The following LAMC1 variants were observed in gnomAD, a reference collection of about 807,000 sequenced individuals.
The protein encoded by LAMC1 is laminin subunit gamma-1.
A neutral mutation model predicts 173.6 loss-of-function variants in LAMC1; 38 were observed. The ratio of observed to expected loss-of-function variants is 0.22; its 90% confidence interval spans 0.17 to 0.29. LAMC1 has a LOEUF of 0.29. LAMC1 is among the 10% of genes least tolerant of loss of function. The pLI, the probability that LAMC1 is intolerant of heterozygous loss-of-function variation, is 1.00. For synonymous variants in LAMC1, 746 were observed against 749.1 expected (o/e 1.00, Z 0.07); for missense variants, 1,824 against 2,051.8 (o/e 0.89, Z 2.14).
At chr1:183,047,983 C>T (rs575476324) in intron 1 of LAMC1, among the ~76,000 whole-genome samples, 4 of 152,242 alleles carry the variant, frequency 2.6e-5, no homozygotes, top group Non-Finnish European at 5.9e-5. Flanking sequence ...AAGGCCCCAT[C>T]TCTGCCAACG....
intron 1 of LAMC1, among the ~76,000 whole-genome samples, chr1:183,048,394 G>A (rs929029255): frequency 1.3e-5 from 2 of 152,144 alleles, no homozygotes; most frequent in Admixed American, 6.5e-5. Context: ...CTGGTGCTAC[G>A]TTTCCCAACA....
At chr1:183,039,988 A>C (rs1654083135) in intron 1 of LAMC1, among the ~76,000 whole-genome samples, 1 of 152,086 alleles carries the variant, frequency 6.6e-6, no homozygotes, top group South Asian at 2.1e-4. Flanking sequence ...GTGAGAGGAG[A>C]GGCTGCTTTG....
chr1:183,092,117 C>A (rs1384848640), intron 1 of LAMC1, among the ~76,000 whole-genome samples: 2 of 152,146 alleles, frequency 1.3e-5, no homozygotes, highest in East Asian at 1.9e-4. Flanking sequence ...ACTTTAACAT[C>A]TGTGTGTGTC....
intron 1 of LAMC1, among the ~76,000 whole-genome samples, chr1:183,082,590 A>G (rs1045836659): frequency 1.3e-5 from 2 of 152,162 alleles, no homozygotes; most frequent in Non-Finnish European, 2.9e-5. Context: ...CCATCTCCAA[A>G]TTACCACAGC....
chr1:183,110,592 T>C lies in LAMC1; in HGVS notation c.959T>C (p.Leu320Pro), dbSNP rs1418120791. The C allele has an allele frequency of 6.2e-7, 1 of 1,613,976 alleles. No individual in the cohort carries two copies. Among genetic ancestry groups the C allele is most frequent in the Non-Finnish European group, 8.5e-7 (1 of 1,179,948 alleles). ...TATGGAGTAGACTGTGAAAAGTGTCTTCCTTTCTTCAATGACCGGCCGTGG... is the reference window on the plus strand; with the variant it reads ...TATGGAGTAGACTGTGAAAAGTGTCCTCCTTTCTTCAATGACCGGCCGTGG... ...NTYGVDCEKC[L>P]PFFNDRPWRR... The change falls in exon 4 of 28, where the codon CTT becomes CCT. Residue 320 changes from leucine (L) to proline (P), a missense_variant. Transcript: ENST00000258341.
In LAMC1 at chr1:183,145,187, TA is replaced by T. The variant is rs930053833; in HGVS notation, c.*2398del. ...GGTTTCCTTTTAACTTTCTTTTTGT[TA>T]TTTGCTTTTCTCCTCCACCTGTGTG... is the stretch of plus-strand genomic sequence containing the variant. On this transcript the variant is annotated 3_prime_UTR_variant, in exon 28 of 28. Transcript: ENST00000258341. The T allele has an allele frequency of 8.5e-5, 13 of 152,468 alleles. No individual in the cohort carries two copies. Among genetic ancestry groups the T allele is most frequent in the African/African-American group, 2.9e-4 (12 of 41,452 alleles). 9.4% of individuals were successfully genotyped at this position (152,468 alleles called of 1,614,324 possible).
At position 183,136,599 on chromosome 1, in the gene LAMC1, C is replaced by T; in HGVS notation, c.4314+14C>T. The T allele has an allele frequency of 6.4e-7, 1 of 1,574,116 alleles. No homozygotes were observed. Among genetic ancestry groups the T allele is most frequent in the Non-Finnish European group, 8.6e-7 (1 of 1,157,560 alleles). ...GCTGTCCAAAAGGTGTGCGTTTCCT[C>T]TTCTCCAAGAGTCCCTGCCCATATC... On this transcript the variant is annotated intron_variant, in intron 25 of 27. Coordinates refer to ENST00000258341, the MANE Select transcript of LAMC1 (RefSeq NM_002293.4).
chr1:183,023,913 C>G lies in LAMC1; in HGVS notation c.197C>G (p.Thr66Ser), dbSNP rs1214616091. Residue 66 changes from threonine to serine, a missense_variant, in exon 1 of 28, where the codon ACC becomes AGC. Transcript: ENST00000258341. ...NAAFNVTVVA[T>S]NTCGTPPEEY... ...GCCTTCAACGTGACTGTGGTGGCCA[C>G]CAACACGTGTGGGACTCCGCCCGAG... The G allele has an allele frequency of 2.5e-6, 4 of 1,613,076 alleles. No individual in the cohort carries two copies. Among genetic ancestry groups the G allele is most frequent in the African/African-American group, 2.7e-5 (2 of 74,932 alleles).
chr1:183,072,388 G>A (rs1247257972), intron 1 of LAMC1, among the ~76,000 whole-genome samples: 2 of 152,202 alleles, frequency 1.3e-5, no homozygotes, highest in East Asian at 3.9e-4. Context: ...TGCTTCCTTA[G>A]AGGCCAGCTT....
chr1:183,108,940 T>C (rs1656064960), intron 3 of LAMC1, among the ~76,000 whole-genome samples: 1 of 152,156 alleles, frequency 6.6e-6, no homozygotes, highest in Admixed American at 6.5e-5. Flanking sequence ...TTGAAAGCTT[T>C]GGATAAGGAA....
intron 1 of LAMC1, among the ~76,000 whole-genome samples, chr1:183,028,815 G>C (rs187739613): frequency 6.6e-6 from 1 of 152,126 alleles, no homozygotes; most frequent in South Asian, 2.1e-4. Flanking sequence ...ACTCGTGTTT[G>C]TCTCAAGGCT....
chr1:183,068,284 A>ATGC (rs148545421), intron 1 of LAMC1, among the ~76,000 whole-genome samples: 5,922 of 152,184 alleles, frequency 0.039, 377 homozygotes, highest in African/African-American at 0.14. Flanking sequence ...CACAATCTCA[A>ATGC]TGCTGAAATG....
chr1:183,142,703 G>T lies in LAMC1; in HGVS notation c.4743G>T (p.Glu1581Asp). Residue 1581 changes from glutamate (E) to aspartate (D), a missense_variant, in exon 28 of 28, where the codon GAG (glutamate) becomes GAT (aspartate). Transcript: ENST00000258341. ...TGGACTATAACCGAGATATCGAGGA[G>T]ATCATGAAGGACATTCGCAATCTGG... Reference protein sequence around the residue: ...AIMDYNRDIEEIMKDIRNLED... With the variant: ...AIMDYNRDIEDIMKDIRNLED... 1 of 1,614,076 alleles carries T rather than the reference G, an allele frequency of 6.2e-7. No individual in the cohort carries two copies. Among genetic ancestry groups the T allele is most frequent in the Non-Finnish European group, 8.5e-7 (1 of 1,179,970 alleles).
intron 1 of LAMC1, among the ~76,000 whole-genome samples, chr1:183,049,003 T>G (rs1654340686): frequency 1.3e-5 from 2 of 152,226 alleles, no homozygotes; most frequent in South Asian, 4.1e-4. Flanking sequence ...GACTACATCT[T>G]GAATTTCTTC....
chr1:183,030,140 GCA>G (rs935405415), intron 1 of LAMC1, among the ~76,000 whole-genome samples: 16 of 152,202 alleles, frequency 1.1e-4, no homozygotes, highest in African/African-American at 3.9e-4. Context: ...TTTTGTTGGA[GCA>G]CAGTTTAGCC....
In LAMC1 at chr1:183,110,468, A is replaced by C. The variant is rs762583446; in HGVS notation, c.855-20A>C. 1.3e-6 allele frequency: 2 copies of C among 1,576,606 alleles called. No homozygotes were observed. Among genetic ancestry groups the C allele is most frequent in the East Asian group, 2.3e-5 (1 of 44,096 alleles). ...ACTTTGCAGCTGTTCCATTTTTTGG[A>C]GTATCTCTTCTCTCCCCAGATGTAA... On this transcript the variant is annotated intron_variant, in intron 3 of 27. Coordinates refer to ENST00000258341, the MANE Select transcript of LAMC1 (RefSeq NM_002293.4).
chr1:183,026,884 G>T (rs959317010), intron 1 of LAMC1, among the ~76,000 whole-genome samples: 15 of 152,210 alleles, frequency 9.9e-5, no homozygotes, highest in Non-Finnish European at 1.6e-4. Context: ...AATTCAAACA[G>T]TAAGTGTAAT....
intron 8 of LAMC1, 36 bp downstream of exon 8, chr1:183,116,939 G>A: frequency 1.3e-6 from 2 of 1,568,528 alleles, no homozygotes; most frequent in Non-Finnish European, 1.7e-6. Context: ...TGTTAGAACT[G>A]TGAGATTACA....
At chr1:183,059,961 A>G (rs1453745860) in intron 1 of LAMC1, among the ~76,000 whole-genome samples, 4 of 152,246 alleles carry the variant, frequency 2.6e-5, no homozygotes, top group East Asian at 1.9e-4. Context: ...GGGACATCAC[A>G]TGTTCCATGA....
Sources: gnomAD v4.1 joint callset for allele counts (sites outside exome capture counted in the v4.1 genomes callset) on GRCh38, gnomAD v4.1.1 for gene constraint, MANE v1.5 for transcripts, NCBI Gene and HGNC (gene_info 2026-07-23, HGNC 2026-07-21) for gene names.